PDHX: variants seen among roughly 807,000 people sequenced by gnomAD.
PDHX encodes the protein pyruvate dehydrogenase protein X component, mitochondrial.
PDHX carries 33 observed loss-of-function variants against 55.3 expected under a neutral mutation model. The ratio of observed to expected loss-of-function variants is 0.60; its 90% CI spans 0.45 to 0.80. The LOEUF is 0.80. Among genes scored for constraint, PDHX ranks in the 30% least tolerant of loss-of-function variants. The probability of loss-of-function intolerance (pLI) is 0.00; values close to 1 mark genes in which losing one functional copy is unlikely to be tolerated. For synonymous variants in PDHX, 226 were observed against 219.4 expected (o/e 1.03, Z -0.27); for missense variants, 622 against 619.9 (o/e 1.00, Z -0.04).
chr11:34,921,960 T>A (rs1853891920), intron 1 of PDHX, among the ~76,000 whole-genome samples: 1 of 152,168 alleles, frequency 6.6e-6, no homozygotes, highest in African/African-American at 2.4e-5. Context: ...AGAAATAGAC[T>A]CAGAGAGGTT....
chr11:34,945,127 G>C (rs1487356001), intron 2 of PDHX, among the ~76,000 whole-genome samples: 1 of 152,090 alleles, frequency 6.6e-6, no homozygotes, highest in Non-Finnish European at 1.5e-5. Flanking sequence ...TGATGCAAAA[G>C]TAATTGGGGT....
chr11:34,920,769 C>G, intron 1 of PDHX, among the ~76,000 whole-genome samples: 1 of 151,920 alleles, frequency 6.6e-6, no homozygotes. Flanking sequence ...ACTCTTATCT[C>G]TACGGAAGGC....
chr11:34,976,256 A>T (rs1333312956), intron 7 of PDHX, among the ~76,000 whole-genome samples: 1 of 152,204 alleles, frequency 6.6e-6, no homozygotes, highest in Non-Finnish European at 1.5e-5. Context: ...AATACATAAC[A>T]TTCTGTATGC....
intron 1 of PDHX, among the ~76,000 whole-genome samples, chr11:34,918,266 C>A (rs1367744919): frequency 4.1e-5 from 6 of 146,562 alleles, no homozygotes; most frequent in African/African-American, 1.5e-4. Flanking sequence ...GTGAGACCCC[C>A]GTCTCTACTT....
Position 34,931,404 on chromosome 11 carries a change from G to C in PDHX, c.161G>C (p.Gly54Ala), listed in dbSNP as rs771011394. Residue 54 changes from glycine to alanine, a missense_variant and splice_region_variant, in exon 2 of 11, where the codon GGT (glycine) becomes GCT (alanine). By Grantham distance (60) the Gly-to-Ala change is moderately conservative (BLOSUM62 0). Coordinates refer to ENST00000227868, the MANE Select transcript of PDHX (RefSeq NM_003477.3). ...CATCTTTCCTTTTTTTCAATTTCAG[G>C]TGATCCCATTAAGATACTAATGCCA... is the stretch of plus-strand genomic sequence containing the variant. ...RWFHSTQWLR[G>A]DPIKILMPSL... 1 of 1,567,118 alleles carries C rather than the reference G, an allele frequency of 6.4e-7. No homozygotes were observed. Among genetic ancestry groups the C allele is most frequent in the South Asian group, 1.1e-5 (1 of 89,656 alleles).
chr11:34,959,772 ATAT>A (rs1854983204), intron 4 of PDHX, among the ~76,000 whole-genome samples: 1 of 152,174 alleles, frequency 6.6e-6, no homozygotes, highest in Non-Finnish European at 1.5e-5. Context: ...AACCTTGAGA[ATAT>A]TATGCTCAGT....
chr11:34,919,526 A>G (rs1853823418), intron 1 of PDHX, among the ~76,000 whole-genome samples: 2 of 152,160 alleles, frequency 1.3e-5, no homozygotes, highest in South Asian at 4.1e-4. Flanking sequence ...ACTTTCTAGA[A>G]TTTCTCATTC....
rs996635357 is a variant in PDHX, at chr11:34,978,056, A to C, written c.965-68A>C. 8.4e-6 allele frequency: 7 copies of C among 838,128 alleles called. No homozygotes were observed. In the Admixed American group the frequency reaches 1.1e-4, roughly 14 times the overall value. The allele number at this position is 838,128 out of a possible 1,614,324, so 51.9% of individuals were successfully genotyped here. On this transcript the variant is annotated intron_variant, in intron 7 of 10. Transcript: ENST00000227868. Reference sequence around the variant, plus strand: ...GTACATTCCATAATTTACAAGTTTGAAGTTGTAATGGTCAATGTTAAAGTT... The same window carrying C: ...GTACATTCCATAATTTACAAGTTTGCAGTTGTAATGGTCAATGTTAAAGTT...
chr11:34,916,470 A>G (rs1329443809), upstream of PDHX: 4 of 1,457,770 alleles, frequency 2.7e-6, no homozygotes. Flanking sequence ...CCAGCGGCGC[A>G]CCTGACTTCC....
chr11:34,962,627 A>G (rs1052219353), intron 5 of PDHX, among the ~76,000 whole-genome samples: 15 of 152,330 alleles, frequency 9.8e-5, no homozygotes, highest in South Asian at 6.2e-4. Context: ...GAGATCATCA[A>G]TAGGGAAACT....
chr11:34,993,294 C>G (rs1052451157), intron 10 of PDHX, among the ~76,000 whole-genome samples: 1 of 151,886 alleles, frequency 6.6e-6, no homozygotes, highest in Non-Finnish European at 1.5e-5. Flanking sequence ...AACGGAAGTT[C>G]TGAGTTTTAA....
chr11:34,986,466 A>G (rs753776759), intron 9 of PDHX, among the ~76,000 whole-genome samples: 2 of 152,160 alleles, frequency 1.3e-5, no homozygotes, highest in African/African-American at 2.4e-5. Context: ...TGAAGGTTAA[A>G]TGAGATTAAG....
intron 1 of PDHX, among the ~76,000 whole-genome samples, chr11:34,921,647 G>T (rs1011342288): frequency 6.6e-6 from 1 of 152,084 alleles, no homozygotes; most frequent in Non-Finnish European, 1.5e-5. Flanking sequence ...GCTAAGTAAT[G>T]ACCAAGCAAA....
rs558343627 is a variant in PDHX at position 34,945,700 on chromosome 11, G to A, written c.242-1806G>A. On this transcript the variant is annotated intron_variant, in intron 2 of 10. Transcript: ENST00000227868. ...GGTTTCTTTACATTGTATCTAATATGGATTCATGTTTATATAGTCTAATAC... is the reference window on the plus strand; with the variant it reads ...GGTTTCTTTACATTGTATCTAATATAGATTCATGTTTATATAGTCTAATAC... Among the ~76,000 whole-genome samples, 3 of 151,978 alleles carry A rather than the reference G, an allele frequency of 2.0e-5. No homozygotes were observed. In the South Asian group the frequency reaches 6.2e-4, roughly 32 times the overall value.
intron 2 of PDHX, among the ~76,000 whole-genome samples, chr11:34,937,303 A>G (rs1162838687): frequency 9.2e-6 from 1 of 108,368 alleles, no homozygotes; most frequent in Non-Finnish European, 2.6e-5. Context: ...ATATAATATT[A>G]TAAGTAAATC....
At chr11:34,922,924 A>C (rs1853927741) in intron 1 of PDHX, among the ~76,000 whole-genome samples, 1 of 150,338 alleles carries the variant, frequency 6.7e-6, no homozygotes, top group African/African-American at 2.5e-5. Flanking sequence ...TAGGCTGTAA[A>C]TGGAATGGTA....
At chr11:34,969,586 C>T (rs1037916673) in intron 6 of PDHX, among the ~76,000 whole-genome samples, 1 of 152,208 alleles carries the variant, frequency 6.6e-6, no homozygotes, top group East Asian at 1.9e-4. Context: ...TCATGATCCA[C>T]CTGCCTCAGC....
intron 7 of PDHX, 150 bp from the exon 8 acceptor site, chr11:34,977,974 T>C: frequency 3.2e-6 from 2 of 623,934 alleles, no homozygotes; most frequent in Non-Finnish European, 5.9e-6. Context: ...TTTCTAATCA[T>C]GGGAACCTTA....
At chr11:34,917,613 C>T (rs1023646837) in intron 1 of PDHX, among the ~76,000 whole-genome samples, 8 of 152,022 alleles carry the variant, frequency 5.3e-5, no homozygotes, top group African/African-American at 1.5e-4. Context: ...TCGTTCCTGG[C>T]ACTCTACAGA....
Sources: gnomAD v4.1 joint callset for allele counts (sites outside exome capture counted in the v4.1 genomes callset) on GRCh38, gnomAD v4.1.1 for gene constraint, MANE v1.5 for transcripts, NCBI Gene and HGNC (gene_info 2026-07-23, HGNC 2026-07-21) for gene names.